The following NRXN1 variants were observed in gnomAD, a reference collection of about 807,000 sequenced individuals.
NRXN1 encodes the protein neurexin-1.
Under a neutral mutation model 150.9 loss-of-function variants are expected in NRXN1, and 39 were observed. That is an observed-to-expected ratio of 0.26 (90% CI 0.20 to 0.34). The LOEUF (loss-of-function observed/expected upper bound fraction) is 0.34, where lower values mean the gene tolerates loss of function less well. Among genes scored for constraint, NRXN1 ranks in the 10% least tolerant of loss-of-function variants. The pLI is 1.00. For missense variants in NRXN1, 1,815 were observed against 1,949.9 expected (o/e 0.93, Z 1.30); for synonymous variants, 924 against 757.0 (o/e 1.22, Z -3.62).
At chr2:50,138,697 C>G (rs1348939922) in intron 18 of NRXN1, among the ~76,000 whole-genome samples, 1 of 152,126 alleles carries the variant, frequency 6.6e-6, no homozygotes, top group Non-Finnish European at 1.5e-5. Flanking sequence ...AGTGTACTTA[C>G]ACATTTAACA....
intron 2 of NRXN1, among the ~76,000 whole-genome samples, chr2:50,957,493 C>T (rs1379078504): frequency 6.6e-6 from 1 of 151,978 alleles, no homozygotes; most frequent in African/African-American, 2.4e-5. Context: ...ACACAATAGC[C>T]CTACAACAAA....
chr2:50,980,735 A>C (rs931449841), intron 2 of NRXN1, among the ~76,000 whole-genome samples: 7 of 152,140 alleles, frequency 4.6e-5, no homozygotes, highest in Non-Finnish European at 8.8e-5. Flanking sequence ...TTGAAAACCA[A>C]AGTTGCCATA....
rs113826959 is a variant in NRXN1, at chr2:50,212,672, C to T, written c.3546+24117G>A. On this transcript the variant is annotated intron_variant, in intron 18 of 22. Coordinates refer to ENST00000401669, the MANE Select transcript of NRXN1 (RefSeq NM_001330078.2). Reference sequence around the variant, plus strand: ...CTGAGTGAACGAGGCAGAGGAGGAGCATTCTTAGGAAACAAATAAACCAAA... The same window carrying T: ...CTGAGTGAACGAGGCAGAGGAGGAGTATTCTTAGGAAACAAATAAACCAAA... Among the ~76,000 whole-genome samples, 416 of 151,900 alleles carry T rather than the reference C, an allele frequency of 2.7e-3. 2 individuals carry two copies. Among genetic ancestry groups the T allele is most frequent in the African/African-American group, 9.5e-3 (396 of 41,532 alleles).
At chr2:50,687,788 T>C (rs1266143873) in intron 5 of NRXN1, among the ~76,000 whole-genome samples, 1 of 152,174 alleles carries the variant, frequency 6.6e-6, no homozygotes, top group Non-Finnish European at 1.5e-5. Context: ...TCAAAGTATT[T>C]CTCTGCAGGA....
In NRXN1 at chr2:50,133,279, T is replaced by C. The variant is rs890553061; in HGVS notation, c.3547-41785A>G. ...AGTGCTGGGTAAGGGCAGGACTGAG[T>C]TGGTTGGAAATGGGCGTAAGTACAG... On this transcript the variant is annotated intron_variant, in intron 18 of 22. Transcript: ENST00000401669. Among the ~76,000 whole-genome samples the C allele has an allele frequency of 5.4e-4, 58 of 107,058 alleles. No individual in the cohort carries two copies. In the Admixed American group the frequency reaches 7.3e-3, roughly 13 times the overall value. The allele number at this position is 107,058 out of a possible 152,430, so 70.2% of individuals were successfully genotyped here.
At chr2:50,820,651 C>T (rs1475730778) in intron 5 of NRXN1, among the ~76,000 whole-genome samples, 1 of 152,126 alleles carries the variant, frequency 6.6e-6, no homozygotes, top group Non-Finnish European at 1.5e-5. Flanking sequence ...CCAGGTGACC[C>T]TGGGATGTAG....
At chr2:50,569,281 T>TA (rs1246324181) in intron 8 of NRXN1, among the ~76,000 whole-genome samples, 1 of 152,046 alleles carries the variant, frequency 6.6e-6, no homozygotes, top group Non-Finnish European at 1.5e-5. Context: ...TTAAAATAAC[T>TA]AAAAGAGTGT....
chr2:50,844,924 G>GTGGCGTGATACTACGTTGAGAAATGGGAA (rs1673415767), intron 5 of NRXN1, among the ~76,000 whole-genome samples: 1 of 151,992 alleles, frequency 6.6e-6, no homozygotes, highest in Non-Finnish European at 1.5e-5. Context: ...CGTGATCACA[G>GTGGCGTGATACTACGTTGAGAAATGGGAA]TTCATTGCAG....
Position 50,497,499 on chromosome 2 carries a change from C to A in NRXN1, c.2713G>T (p.Asp905Tyr). ...ARFGFRNIIA[D>Y]PVTFKTKSSY... ...GATTTGGTCTTGAAGGTGACAGGATCTGCTATGATGTTCCTGAAGCCAAAT... is the reference window on the plus strand; with the variant it reads ...GATTTGGTCTTGAAGGTGACAGGATATGCTATGATGTTCCTGAAGCCAAAT... The change falls in exon 14 of 23, where the codon GAT becomes TAT. Residue 905 changes from aspartate to tyrosine, a missense_variant. This residue lies in a region of NRXN1 where 339 missense variants were observed against 440.3 expected (regional missense o/e 0.77). Coordinates refer to ENST00000401669, the MANE Select transcript of NRXN1 (RefSeq NM_001330078.2). The A allele has an allele frequency of 6.2e-7, 1 of 1,613,906 alleles. No homozygotes were observed. Among genetic ancestry groups the A allele is most frequent in the South Asian group, 1.1e-5 (1 of 91,072 alleles).
rs146630108 is a variant in NRXN1 at position 50,230,270 on chromosome 2, T to C, written c.3546+6519A>G. Among the ~76,000 whole-genome samples the C allele has an allele frequency of 4.1e-3, 626 of 152,044 alleles. 7 individuals carry two copies. The highest frequency in any genetic ancestry group is 0.014 in the African/African-American group (597 of 41,486). On this transcript the variant is annotated intron_variant, in intron 18 of 22. Transcript: ENST00000401669. The stretch of plus-strand genomic sequence containing the variant: ...AAATCTTTTGAACAGGAATTAGAAA[T>C]AGAGAGATGACAAGAAGCTCATTTT...
intron 8 of NRXN1, among the ~76,000 whole-genome samples, chr2:50,563,734 T>A (rs1045946829): frequency 6.6e-6 from 1 of 152,166 alleles, no homozygotes; most frequent in Non-Finnish European, 1.5e-5. Flanking sequence ...TATGGACAGT[T>A]TTTATGATGG....
intron 17 of NRXN1, among the ~76,000 whole-genome samples, chr2:50,414,575 T>C (rs545182689): frequency 2.6e-5 from 4 of 152,160 alleles, no homozygotes; most frequent in African/African-American, 9.6e-5. Flanking sequence ...TTGTCTATCT[T>C]TCTTTGGGTA....
At chr2:50,079,896 A>G (rs1295856535) in intron 19 of NRXN1, among the ~76,000 whole-genome samples, 1 of 152,136 alleles carries the variant, frequency 6.6e-6, no homozygotes, top group African/African-American at 2.4e-5. Context: ...CTCTTATTCT[A>G]CAGTTTCAGT....
At chr2:50,999,767 T>A (rs1699802283) in intron 2 of NRXN1, among the ~76,000 whole-genome samples, 1 of 151,968 alleles carries the variant, frequency 6.6e-6, no homozygotes, top group South Asian at 2.1e-4. Flanking sequence ...AAAACCATCA[T>A]TAAATCCTGC....
intron 18 of NRXN1, among the ~76,000 whole-genome samples, chr2:50,227,735 C>T: frequency 6.6e-6 from 1 of 151,830 alleles, no homozygotes; most frequent in Non-Finnish European, 1.5e-5. Context: ...TGCAACAGTT[C>T]AAGAAGAGGT....
At chr2:50,208,523 G>A (rs2062778848) in intron 18 of NRXN1, among the ~76,000 whole-genome samples, 1 of 152,038 alleles carries the variant, frequency 6.6e-6, no homozygotes, top group Non-Finnish European at 1.5e-5. Context: ...TCCAGCATAT[G>A]ACATTCACTA....
At chr2:50,964,294 G>A (rs12463983) in intron 2 of NRXN1, among the ~76,000 whole-genome samples, 44,322 of 151,144 alleles carry the variant, frequency 0.29, 7,694 homozygotes, top group Non-Finnish European at 0.4. Flanking sequence ...AACTATGACC[G>A]TTTTCAAAAT....
intron 2 of NRXN1, among the ~76,000 whole-genome samples, chr2:51,025,317 T>C (rs1374760629): frequency 6.6e-6 from 1 of 152,178 alleles, no homozygotes; most frequent in East Asian, 1.9e-4. Flanking sequence ...TAATTCCAAA[T>C]TCTTTATCTT....
At chr2:50,198,232 G>A (rs1037356857) in intron 18 of NRXN1, among the ~76,000 whole-genome samples, 1 of 152,080 alleles carries the variant, frequency 6.6e-6, no homozygotes, top group African/African-American at 2.4e-5. Flanking sequence ...TCACTTGCAT[G>A]CAAACTTAGA....
Sources: allele counts gnomAD v4.1 joint callset (sites outside exome capture counted in the v4.1 genomes callset), GRCh38; gene constraint gnomAD v4.1.1; regional missense constraint gnomAD v4.1.1; transcripts MANE v1.5; gene names NCBI Gene and HGNC (gene_info 2026-07-23, HGNC 2026-07-21).